CAMTA1: variants seen among roughly 807,000 people sequenced by gnomAD.
CAMTA1 encodes the protein calmodulin binding transcription activator 1.
CAMTA1 carries 27 observed loss-of-function variants against 170.9 expected under a neutral mutation model. That is an observed-to-expected ratio of 0.16 (90% CI 0.12 to 0.22). The LOEUF is 0.22. Among genes scored for constraint, CAMTA1 ranks in the 10% least tolerant of loss-of-function variants. The probability of loss-of-function intolerance (pLI) is 1.00; values close to 1 mark genes in which losing one functional copy is unlikely to be tolerated. For synonymous variants in CAMTA1, 833 were observed against 891.5 expected (o/e 0.93, Z 1.17); for missense variants, 1,619 against 2,217.2 (o/e 0.73, Z 5.42).
chr1:7,350,791 C>T (rs2084611143), intron 5 of CAMTA1, among the ~76,000 whole-genome samples: 1 of 152,142 alleles, frequency 6.6e-6, no homozygotes, highest in African/African-American at 2.4e-5. Flanking sequence ...CACATATGCA[C>T]CATGCTTTGT....
chr1:7,672,716 C>G (rs2096071193), intron 10 of CAMTA1, among the ~76,000 whole-genome samples: 1 of 152,080 alleles, frequency 6.6e-6, no homozygotes, highest in African/African-American at 2.4e-5. Context: ...CCACTGTGCC[C>G]CATCTCTCTC....
chr1:7,568,900 ACCAT>A (rs2095085893), intron 6 of CAMTA1, among the ~76,000 whole-genome samples: 1 of 150,632 alleles, frequency 6.6e-6, no homozygotes, highest in African/African-American at 2.5e-5. Context: ...CATCACCACC[ACCAT>A]CCATCATCAA....
intron 3 of CAMTA1, among the ~76,000 whole-genome samples, chr1:7,068,475 C>G (rs1384799409): frequency 6.6e-6 from 1 of 151,960 alleles, no homozygotes; most frequent in Admixed American, 6.6e-5. Flanking sequence ...ATCTATGGCC[C>G]AAAGAGAGGA....
rs1048914424 is a variant in CAMTA1 at position 7,565,662 on chromosome 1, C to G, written c.511-74738C>G. On this transcript the variant is annotated intron_variant, in intron 6 of 22. Coordinates refer to ENST00000303635, the MANE Select transcript of CAMTA1 (RefSeq NM_015215.4). The surrounding 1 kb of genome is among the most constrained non-coding windows in gnomAD (Gnocchi z 4.5). The stretch of plus-strand genomic sequence containing the variant: ...AGGCTGCCTGGGGGCCTCAGCCATA[C>G]TGTGGGGCTCCTTGGGGAAAGGAAT... Among the ~76,000 whole-genome samples the G allele has an allele frequency of 1.3e-5, 2 of 152,186 alleles. No homozygotes were observed. Among genetic ancestry groups the G allele is most frequent in the African/African-American group, 4.8e-5 (2 of 41,446 alleles).
At chr1:7,190,451 A>C (rs191062139) in intron 4 of CAMTA1, among the ~76,000 whole-genome samples, 9 of 152,218 alleles carry the variant, frequency 5.9e-5, no homozygotes, top group Admixed American at 5.9e-4. Flanking sequence ...GTGTGTAGAA[A>C]ATAATCATGA....
chr1:7,358,970 C>T (rs577697297), intron 5 of CAMTA1, among the ~76,000 whole-genome samples: 1 of 152,206 alleles, frequency 6.6e-6, no homozygotes, highest in East Asian at 1.9e-4. Flanking sequence ...GCAGCTTTGG[C>T]TATAAAATCT....
chr1:7,076,328 C>T (rs1639299956), intron 3 of CAMTA1, among the ~76,000 whole-genome samples: 1 of 152,198 alleles, frequency 6.6e-6, no homozygotes, highest in Admixed American at 6.5e-5. Context: ...CTTTTTATGG[C>T]TTTGACATTA....
chr1:7,102,505 G>A (rs970484992), intron 4 of CAMTA1, among the ~76,000 whole-genome samples: 4 of 152,314 alleles, frequency 2.6e-5, no homozygotes, highest in Middle Eastern at 3.4e-3. Flanking sequence ...TGCCTAGGCC[G>A]AGGGATCAGA....
At chr1:7,657,328 G>A (rs1173848432) in intron 7 of CAMTA1, among the ~76,000 whole-genome samples, 1 of 152,202 alleles carries the variant, frequency 6.6e-6, no homozygotes, top group East Asian at 1.9e-4. Context: ...GGGTCCCTCT[G>A]TCTGGGATTC....
chr1:7,654,987 C>CA (rs2095875787), intron 7 of CAMTA1, among the ~76,000 whole-genome samples: 3 of 147,192 alleles, frequency 2.0e-5, no homozygotes, highest in Middle Eastern at 3.5e-3. Flanking sequence ...CACACCTATA[C>CA]ACACACCCAC....
At chr1:7,320,354 A>G (rs912406930) in intron 5 of CAMTA1, among the ~76,000 whole-genome samples, 4 of 152,172 alleles carry the variant, frequency 2.6e-5, no homozygotes, top group Admixed American at 2.6e-4. Flanking sequence ...ATGAATGAAA[A>G]TGTTTTCTGA....
chr1:7,170,868 G>A (rs1404645493), intron 4 of CAMTA1, among the ~76,000 whole-genome samples: 2 of 152,106 alleles, frequency 1.3e-5, no homozygotes, highest in African/African-American at 2.4e-5. Flanking sequence ...GATGCTAGCG[G>A]TTTTGAAATT....
At chr1:7,368,784 T>C (rs535230016) in intron 5 of CAMTA1, among the ~76,000 whole-genome samples, 1 of 152,328 alleles carries the variant, frequency 6.6e-6, no homozygotes, top group South Asian at 2.1e-4. Context: ...TAAATTTAAA[T>C]TGTTAAATGA....
intron 5 of CAMTA1, among the ~76,000 whole-genome samples, chr1:7,376,966 G>C (rs760044650): frequency 6.6e-6 from 1 of 152,170 alleles, no homozygotes; most frequent in Non-Finnish European, 1.5e-5. Flanking sequence ...GATCTGTCTG[G>C]AAGTGCTGGA....
intron 3 of CAMTA1, among the ~76,000 whole-genome samples, chr1:6,975,503 A>G (rs1331598954): frequency 6.6e-6 from 1 of 152,104 alleles, no homozygotes; most frequent in Non-Finnish European, 1.5e-5. Flanking sequence ...AACGAATGCT[A>G]CGAGAGTCTG....
In CAMTA1 at chr1:7,300,763, G is replaced by A. The variant is rs1206348466; in HGVS notation, c.438+51137G>A. Among the ~76,000 whole-genome samples the A allele has an allele frequency of 6.6e-6, 1 of 152,170 alleles. No individual in the cohort carries two copies. ...TTGGCAGGCAATGAGAGGAAGTGTC[G>A]TGTTGTCCGTTGGTGACATTTGCAA... is the stretch of plus-strand genomic sequence containing the variant. On this transcript the variant is annotated intron_variant, in intron 5 of 22. Transcript: ENST00000303635. This position sits in a 1 kb window ranked among gnomAD's most constrained non-coding sequence, Gnocchi z 4.1.
intron 5 of CAMTA1, among the ~76,000 whole-genome samples, chr1:7,385,090 CTA>C (rs1332730719): frequency 2.2e-5 from 1 of 44,952 alleles, no homozygotes; most frequent in Non-Finnish European, 4.0e-5. Context: ...TGCCTGTTCA[CTA>C]TTTTTTTTTT....
chr1:6,895,707 C>A (rs1675487847), intron 3 of CAMTA1, among the ~76,000 whole-genome samples: 1 of 152,168 alleles, frequency 6.6e-6, no homozygotes, highest in African/African-American at 2.4e-5. Flanking sequence ...AAATTATTTC[C>A]TCTCCTCCCC....
chr1:7,463,430 G>A lies in CAMTA1; in HGVS notation c.439-4400G>A, dbSNP rs1156506345. On this transcript the variant is annotated intron_variant, in intron 5 of 22. Transcript: ENST00000303635. The surrounding 1 kb of genome is among the most constrained non-coding windows in gnomAD (Gnocchi z 4.7). The stretch of plus-strand genomic sequence containing the variant: ...GGAGAGAGAAATAAAGACAGACGGG[G>A]AGAGACAGATGGGGGAAATGGGAGA... 6.6e-6 allele frequency among the ~76,000 whole-genome samples: 1 copy of A among 151,984 alleles called. No individual in the cohort carries two copies. The highest frequency in any genetic ancestry group is 1.5e-5 in the Non-Finnish European group (1 of 68,008).
Sources: gnomAD v4.1 joint callset for allele counts (sites outside exome capture counted in the v4.1 genomes callset) on GRCh38, gnomAD v4.1.1 for gene constraint, Gnocchi (gnomAD v3.1) non-coding constraint, MANE v1.5 for transcripts, NCBI Gene and HGNC (gene_info 2026-07-23, HGNC 2026-07-21) for gene names.